Variants in COG6 observed in about 807,000 individuals in gnomAD.
COG6 encodes the protein component of oligomeric golgi complex 6.
A neutral mutation model predicts 88.8 loss-of-function variants in COG6; 74 were observed. The observed-to-expected ratio is 0.83, with a 90% confidence interval of 0.69 to 1.01. COG6 has a LOEUF of 1.01. Among genes scored for constraint, COG6 ranks in the 50% least tolerant of loss-of-function variants. The pLI is 0.00. For missense variants in COG6, 800 were observed against 797.9 expected (o/e 1.00, Z -0.03); for synonymous variants, 286 against 278.7 (o/e 1.03, Z -0.26).
At chr13:39,734,895 T>C (rs1879652217) in intron 18 of COG6, among the ~76,000 whole-genome samples, 1 of 152,216 alleles carries the variant, frequency 6.6e-6, no homozygotes, top group Non-Finnish European at 1.5e-5. Context: ...AATCTATTTT[T>C]TCTGATATAA....
chr13:39,677,055 AC>A (rs1876014943), intron 4 of COG6, among the ~76,000 whole-genome samples: 2 of 152,166 alleles, frequency 1.3e-5, no homozygotes, highest in Admixed American at 1.3e-4. Flanking sequence ...TCATGTGAAA[AC>A]TTAAAAGGCT....
chr13:39,733,046 A>G (rs1879536751), intron 18 of COG6, among the ~76,000 whole-genome samples: 1 of 152,156 alleles, frequency 6.6e-6, no homozygotes. Flanking sequence ...CTAAGTATAA[A>G]AACGTCAACT....
chr13:39,722,515 T>C (rs1878900100), intron 15 of COG6, among the ~76,000 whole-genome samples: 1 of 151,728 alleles, frequency 6.6e-6, no homozygotes, highest in East Asian at 1.9e-4. Context: ...GATACCATAG[T>C]TGACAGTGTA....
intron 4 of COG6, among the ~76,000 whole-genome samples, chr13:39,665,944 A>G (rs1315120767): frequency 6.6e-6 from 1 of 152,220 alleles, no homozygotes; most frequent in Non-Finnish European, 1.5e-5. Flanking sequence ...CTGCTTTTGT[A>G]AATGCAGCTT....
chr13:39,682,205 C>T lies in COG6; in HGVS notation c.729C>T (p.Asp243=), dbSNP rs117688574. 3,291 of 1,612,024 alleles carry T rather than the reference C, an allele frequency of 2.0e-3. 13 individuals are homozygous for T. The highest frequency in any genetic ancestry group is 2.1e-3 in the African/African-American group (161 of 74,938). Reference sequence around the variant, plus strand: ...GAACATTGACACAAGAATCATGTGACGTATCTCCAGTATTGACACAGGCAA... The same window carrying T: ...GAACATTGACACAAGAATCATGTGATGTATCTCCAGTATTGACACAGGCAA... ...ECRTLTQESC[D]VSPVLTQAME... The change falls in exon 8 of 19, where the codon GAC becomes GAT. Residue 243 remains aspartate (D), a synonymous_variant. Coordinates refer to ENST00000455146, the MANE Select transcript of COG6 (RefSeq NM_020751.3).
In COG6 at chr13:39,677,561, A is replaced by G; in HGVS notation, c.522A>G (p.Arg174=). Residue 174 remains arginine, a synonymous_variant, in exon 5 of 19, where the codon AGA becomes AGG. Coordinates refer to ENST00000455146, the MANE Select transcript of COG6 (RefSeq NM_020751.3). ...SDEMSLLRGT[R]EGPITEDFFK... is the part of the protein sequence containing the mutation. Reference sequence around the variant, plus strand: ...AAATGAGTCTTCTCCGAGGTACAAGAGAAGGACCCATTACTGAGGTATCCT... The same window carrying G: ...AAATGAGTCTTCTCCGAGGTACAAGGGAAGGACCCATTACTGAGGTATCCT... The G allele has an allele frequency of 6.2e-7, 1 of 1,606,140 alleles. No homozygotes were observed. Among genetic ancestry groups the G allele is most frequent in the Non-Finnish European group, 8.5e-7 (1 of 1,173,028 alleles).
chr13:39,682,060 G>A (rs923591726), intron 7 of COG6, 111 bp from the exon 8 acceptor site: 2 of 753,936 alleles, frequency 2.7e-6, no homozygotes, highest in Non-Finnish European at 2.3e-6. Context: ...TTTTTCTGAG[G>A]ATTTTTTTTT....
chr13:39,750,745 A>ATTGT (rs1328859797), intron 18 of COG6, among the ~76,000 whole-genome samples: 1 of 152,214 alleles, frequency 6.6e-6, no homozygotes, highest in Non-Finnish European at 1.5e-5. Flanking sequence ...ATGGAGAAAG[A>ATTGT]TTTAATAAAT....
chr13:39,727,598 A>T, intron 18 of COG6, 50 bp downstream of exon 18: 1 of 1,287,006 alleles, frequency 7.8e-7, no homozygotes, highest in South Asian at 1.2e-5. Flanking sequence ...ATATTTTTAA[A>T]TATCAAGTAC....
chr13:39,721,268 G>A (rs971190464), intron 15 of COG6, among the ~76,000 whole-genome samples: 6 of 151,984 alleles, frequency 3.9e-5, no homozygotes, highest in Admixed American at 3.9e-4. Context: ...TGGTCTATGT[G>A]CTAAATTAAG....
At position 39,752,598 on chromosome 13, in the gene COG6, C is replaced by T. The variant is rs1880700883; in HGVS notation, c.*1505C>T. 4.7e-6 allele frequency: 6 copies of T among 1,264,334 alleles called. No individual in the cohort carries two copies. The highest frequency in any genetic ancestry group is 6.2e-6 in the Non-Finnish European group (6 of 974,246). 78.3% of individuals were successfully genotyped at this position (1,264,334 alleles called of 1,614,324 possible). A position where few individuals can be genotyped will look rare whatever the true frequency, so the allele number is the denominator to read the frequency against. ...AGGGAAAATTTATTGTGCTTTTTAC[C>T]TGGTTTTTTCAAATAAAATATTAAA... On this transcript the variant is annotated 3_prime_UTR_variant, in exon 19 of 19. Transcript: ENST00000455146.
At chr13:39,693,283 C>T (rs1195628806) in intron 11 of COG6, among the ~76,000 whole-genome samples, 3 of 151,816 alleles carry the variant, frequency 2.0e-5, no homozygotes, top group African/African-American at 7.3e-5. Flanking sequence ...CTTTCTCCCT[C>T]CTTTCCCTCT....
At chr13:39,689,336 T>C (rs1341181745) in intron 10 of COG6, among the ~76,000 whole-genome samples, 3 of 152,184 alleles carry the variant, frequency 2.0e-5, no homozygotes. Flanking sequence ...GATTTCAAGG[T>C]ATATTTTTCA....
intron 18 of COG6, among the ~76,000 whole-genome samples, chr13:39,770,545 C>T (rs1302848523): frequency 6.6e-6 from 1 of 152,118 alleles, no homozygotes; most frequent in African/African-American, 2.4e-5. Flanking sequence ...GTATTTTTTT[C>T]CACTGCCTCA....
chr13:39,760,485 A>G (rs1257884203), intron 18 of COG6, among the ~76,000 whole-genome samples: 1 of 152,134 alleles, frequency 6.6e-6, no homozygotes, highest in Non-Finnish European at 1.5e-5. Flanking sequence ...AAGAAAATAA[A>G]CCACAAAAAC....
chr13:39,747,557 T>C (rs1345936507), intron 18 of COG6, among the ~76,000 whole-genome samples: 1 of 152,188 alleles, frequency 6.6e-6, no homozygotes, highest in Non-Finnish European at 1.5e-5. Context: ...CTCAGTGGCT[T>C]TTTAAGCTGA....
intron 18 of COG6, among the ~76,000 whole-genome samples, chr13:39,760,004 A>G (rs993807959): frequency 2.2e-4 from 33 of 152,212 alleles, no homozygotes; most frequent in African/African-American, 7.5e-4. Flanking sequence ...TTCAAAGTTT[A>G]TAACTTTACT....
chr13:39,662,881 TAAAGA>T (rs962252971), intron 3 of COG6, among the ~76,000 whole-genome samples: 3 of 152,078 alleles, frequency 2.0e-5, no homozygotes, highest in African/African-American at 7.2e-5. Context: ...AAGTTATTCA[TAAAGA>T]AAAGTGTTTC....
intron 4 of COG6, among the ~76,000 whole-genome samples, chr13:39,667,404 A>G (rs757796047): frequency 9.9e-5 from 15 of 152,174 alleles, no homozygotes; most frequent in South Asian, 8.3e-4. Context: ...TTGTCCTCAG[A>G]TTTATAGAAT....
Sources: gnomAD v4.1 joint callset for allele counts (sites outside exome capture counted in the v4.1 genomes callset) on GRCh38, gnomAD v4.1.1 for gene constraint, MANE v1.5 for transcripts, NCBI Gene and HGNC (gene_info 2026-07-23, HGNC 2026-07-21) for gene names.